The following LAPTM4A variants were observed in gnomAD, a reference collection of about 807,000 sequenced individuals.
LAPTM4A encodes the protein lysosomal protein transmembrane 4 alpha.
Under a neutral mutation model 29.9 loss-of-function variants are expected in LAPTM4A, and 19 were observed. The ratio of observed to expected loss-of-function variants is 0.64; its 90% CI spans 0.44 to 0.93. The LOEUF is 0.93. LAPTM4A is among the 40% of genes least tolerant of loss of function. The pLI is 0.00. For missense variants in LAPTM4A, 293 were observed against 288.5 expected (o/e 1.02, Z -0.11); for synonymous variants, 105 against 102.1 (o/e 1.03, Z -0.17).
chr2:20,033,472 G>GGGGAGGGTGGAGAGA (rs1553330483), intron 6 of LAPTM4A, among the ~76,000 whole-genome samples, 193 bp from the exon 7 acceptor site: 2 of 152,090 alleles, frequency 1.3e-5, no homozygotes, highest in African/African-American at 4.8e-5. Context: ...TGCTAGCGAA[G>GGGGAGGGTGGAGAGA]GGGAGGGTGG....
chr2:20,042,030 A>G (rs145691188), intron 1 of LAPTM4A, among the ~76,000 whole-genome samples: 2 of 152,336 alleles, frequency 1.3e-5, no homozygotes, highest in African/African-American at 4.8e-5. Context: ...ATGGACATAT[A>G]TTAAAATGAG....
chr2:20,051,316 C>T, intron 1 of LAPTM4A, 94 bp downstream of exon 1: 1 of 765,398 alleles, frequency 1.3e-6, no homozygotes, highest in Admixed American at 2.1e-5. Context: ...AAGTCCCCGC[C>T]CCACCCAACA....
intron 1 of LAPTM4A, among the ~76,000 whole-genome samples, chr2:20,043,166 G>C (rs901190500): frequency 6.8e-6 from 1 of 147,920 alleles, no homozygotes; most frequent in Non-Finnish European, 1.5e-5. Context: ...TCCACCTCTT[G>C]GGTTCAAGCA....
In LAPTM4A at chr2:20,046,755, AAT is replaced by A. The variant is rs911902187; in HGVS notation, c.111+4653_111+4654del. ...TCTATATATAAATATATATTATATA[AAT>A]ATATATATAATATAATATATAAATA... On this transcript the variant is annotated intron_variant, in intron 1 of 6. Transcript: ENST00000175091. 9.4e-3 allele frequency among the ~76,000 whole-genome samples: 1,248 copies of A among 132,964 alleles called. 11 individuals are homozygous for A. Among genetic ancestry groups the A allele is most frequent in the Non-Finnish European group, 0.015 (885 of 60,676 alleles). 87.2% of individuals were successfully genotyped at this position (132,964 alleles called of 152,430 possible).
At chr2:20,039,095 T>C (rs1673740312) in intron 2 of LAPTM4A, among the ~76,000 whole-genome samples, 1 of 151,952 alleles carries the variant, frequency 6.6e-6, no homozygotes, top group South Asian at 2.1e-4. Flanking sequence ...TTTTGTATTT[T>C]TAATAGAGAC....
intron 2 of LAPTM4A, 107 bp downstream of exon 2, chr2:20,040,784 T>TAG: frequency 9.3e-7 from 1 of 1,070,098 alleles, no homozygotes; most frequent in Non-Finnish European, 1.4e-6. Flanking sequence ...CACACAACAA[T>TAG]ATCACCCAGT....
At position 20,051,475 on chromosome 2, in the gene LAPTM4A, T is replaced by C; in HGVS notation, c.46A>G (p.Ser16Gly). The C allele has an allele frequency of 6.2e-7, 1 of 1,613,338 alleles. No individual in the cohort carries two copies. The highest frequency in any genetic ancestry group is 1.1e-5 in the South Asian group (1 of 90,876). Reference protein sequence around the residue: ...FKRNRSDRFYSTRCCGCCHVR... With the variant: ...FKRNRSDRFYGTRCCGCCHVR... ...TGGCAACAGCCGCAGCACCGGGTGC[T>C]GTAGAACCGGTCACTGCGGTTCCGC... Residue 16 changes from serine to glycine, a missense_variant, in exon 1 of 7, where the codon AGC becomes GGC. Ser to Gly is a moderately conservative substitution (Grantham distance 56). Transcript: ENST00000175091.
At chr2:20,044,980 G>C (rs765627670) in intron 1 of LAPTM4A, among the ~76,000 whole-genome samples, 4 of 152,168 alleles carry the variant, frequency 2.6e-5, no homozygotes, top group Admixed American at 6.5e-5. Context: ...CTGGCCTCAA[G>C]TGATCCTACT....
At position 20,033,688 on chromosome 2, in the gene LAPTM4A, G is replaced by T. The variant is rs143810866; in HGVS notation, c.628-409C>A. On this transcript the variant is annotated intron_variant, in intron 6 of 6. Coordinates refer to ENST00000175091, the MANE Select transcript of LAPTM4A (RefSeq NM_014713.5). ...AGCTCCTGGATCCTGACTTTCATCA[G>T]AATCAGTTTGTAGTCAGAAGATCAT... 3.0e-4 allele frequency among the ~76,000 whole-genome samples: 45 copies of T among 152,348 alleles called. No individual in the cohort carries two copies. In the East Asian group the frequency reaches 6.9e-3, roughly 23 times the overall value.
At chr2:20,045,723 G>A (rs1018813424) in intron 1 of LAPTM4A, among the ~76,000 whole-genome samples, 7 of 152,076 alleles carry the variant, frequency 4.6e-5, no homozygotes, top group Non-Finnish European at 8.8e-5. Flanking sequence ...GGAAGCACAG[G>A]GCCTGAAGAG....
Position 20,033,041 on chromosome 2 carries a change from G to A in LAPTM4A, c.*164C>T, listed in dbSNP as rs956835116. The stretch of plus-strand genomic sequence containing the variant: ...AGACTTAACAAAAAAACAAAAAGAC[G>A]TTTAACAGATGTCAAAAAGCTCCTT... On this transcript the variant is annotated 3_prime_UTR_variant, in exon 7 of 7. Transcript: ENST00000175091. The A allele has an allele frequency of 1.8e-5, 11 of 619,692 alleles. No homozygotes were observed. The highest frequency in any genetic ancestry group is 1.6e-4 in the East Asian group (6 of 36,464). 38.4% of individuals were successfully genotyped at this position (619,692 alleles called of 1,614,324 possible). A position where few individuals can be genotyped will look rare whatever the true frequency, so the allele number is the denominator to read the frequency against.
intron 2 of LAPTM4A, among the ~76,000 whole-genome samples, chr2:20,040,276 T>C (rs1216798262): frequency 1.3e-5 from 2 of 152,308 alleles, no homozygotes; most frequent in Admixed American, 1.3e-4. Flanking sequence ...TCAAGGTACA[T>C]TTTACACATT....
At chr2:20,050,000 G>A (rs1478715485) in intron 1 of LAPTM4A, among the ~76,000 whole-genome samples, 1 of 152,210 alleles carries the variant, frequency 6.6e-6, no homozygotes, top group Non-Finnish European at 1.5e-5. Context: ...TTAACTCTAT[G>A]TTTAGTATTC....
chr2:20,040,978 CA>C lies in LAPTM4A; in HGVS notation c.144del (p.Val49TrpfsTer3). On this transcript the variant is annotated frameshift_variant, in exon 2 of 7. Transcript: ENST00000175091. LOFTEE classifies it high-confidence loss of function. ...VVNLLMAILL[T>X]VEVTHPNSMP... ...ATGGAGTTTGGATGAGTCACTTCCACAGTCAGCAAAATTGCCATCAATAGGT... is the reference window on the plus strand; with the variant it reads ...ATGGAGTTTGGATGAGTCACTTCCACGTCAGCAAAATTGCCATCAATAGGT... The C allele has an allele frequency of 1.2e-6, 2 of 1,613,514 alleles. No individual in the cohort carries two copies.
intron 2 of LAPTM4A, among the ~76,000 whole-genome samples, chr2:20,040,589 A>G (rs1673772877): frequency 6.6e-6 from 1 of 152,190 alleles, no homozygotes; most frequent in South Asian, 2.1e-4. Context: ...GTAATAGTGT[A>G]TTTACAGTAT....
At position 20,040,907 on chromosome 2, in the gene LAPTM4A, C is replaced by G. The variant is rs3731673; in HGVS notation, c.216G>C (p.Ser72=). 2 of 1,613,186 alleles carry G rather than the reference C, an allele frequency of 1.2e-6. No homozygotes were observed. Among genetic ancestry groups the G allele is most frequent in the Non-Finnish European group, 1.7e-6 (2 of 1,179,360 alleles). The change falls in exon 2 of 7, where the codon TCG becomes TCC. Residue 72 remains serine, a synonymous_variant. Coordinates refer to ENST00000175091, the MANE Select transcript of LAPTM4A (RefSeq NM_014713.5). ...AACACATACCAGCCATTCTCTCAGACGAATAGTAATTACCGATGACTTCAT... is the reference window on the plus strand; with the variant it reads ...AACACATACCAGCCATTCTCTCAGAGGAATAGTAATTACCGATGACTTCAT... The part of the protein sequence containing the change: ...IQYEVIGNYY[S]SERMADNACV...
intron 2 of LAPTM4A, among the ~76,000 whole-genome samples, chr2:20,038,627 T>C (rs1305200015): frequency 3.9e-5 from 6 of 152,122 alleles, no homozygotes; most frequent in Non-Finnish European, 8.8e-5. Context: ...GGTTTCACCA[T>C]GTTGGCCAGG....
chr2:20,034,500 C>A, intron 5 of LAPTM4A, 85 bp from the exon 6 acceptor site: 1 of 897,086 alleles, frequency 1.1e-6, no homozygotes, highest in Non-Finnish European at 1.9e-6. Flanking sequence ...GAATGCTTTC[C>A]CCACACATCC....
At chr2:20,051,306 A>G in intron 1 of LAPTM4A, 104 bp downstream of exon 1, 1 of 747,156 alleles carries the variant, frequency 1.3e-6, no homozygotes, top group Non-Finnish European at 2.4e-6. Context: ...GCGCCCCTCC[A>G]AGTCCCCGCC....
Sources: allele counts gnomAD v4.1 joint callset (sites outside exome capture counted in the v4.1 genomes callset), GRCh38; gene constraint gnomAD v4.1.1; transcripts MANE v1.5; gene names NCBI Gene and HGNC (gene_info 2026-07-23, HGNC 2026-07-21).